TGFA: variants seen among roughly 807,000 people sequenced by gnomAD.
TGFA encodes the protein transforming growth factor alpha, also known as protransforming growth factor alpha.
Under a neutral mutation model 21.7 loss-of-function variants are expected in TGFA, and 12 were observed. The ratio of observed to expected loss-of-function variants is 0.55; its 90% confidence interval spans 0.35 to 0.90. The LOEUF (loss-of-function observed/expected upper bound fraction) is 0.90, where lower values mean the gene tolerates loss of function less well. TGFA is among the 40% of genes least tolerant of loss of function. The probability of loss-of-function intolerance (pLI) is 0.01; values close to 1 mark genes in which losing one functional copy is unlikely to be tolerated. For synonymous variants in TGFA, 79 were observed against 88.1 expected (o/e 0.90, Z 0.58); for missense variants, 178 against 210.8 (o/e 0.84, Z 0.96).
intron 1 of TGFA, chr2:70,553,365 C>A (rs1294787656): frequency 1.4e-6 from 2 of 1,463,512 alleles, no homozygotes; most frequent in African/African-American, 2.9e-5. Flanking sequence ...CCAGCGACGC[C>A]GGCTGAGCCG....
At chr2:70,543,148 C>A (rs1003426408) in intron 1 of TGFA, among the ~76,000 whole-genome samples, 4 of 151,464 alleles carry the variant, frequency 2.6e-5, no homozygotes, top group African/African-American at 4.8e-5. Context: ...GGGTTTTTTC[C>A]CTCTAAATAT....
At chr2:70,528,884 T>C (rs1553503285) in intron 1 of TGFA, among the ~76,000 whole-genome samples, 1 of 152,174 alleles carries the variant, frequency 6.6e-6, no homozygotes, top group Admixed American at 6.5e-5. Flanking sequence ...AAGCTACAGC[T>C]ACACAGAATT....
chr2:70,553,166 C>G, intron 1 of TGFA: 1 of 1,535,792 alleles, frequency 6.5e-7, no homozygotes. Context: ...TTAATCCGCC[C>G]AAAAATCCAA....
intron 1 of TGFA, among the ~76,000 whole-genome samples, chr2:70,548,692 T>C (rs893640474): frequency 5.9e-5 from 9 of 152,322 alleles, no homozygotes; most frequent in African/African-American, 1.9e-4. Flanking sequence ...TACATTAAAT[T>C]CCATCTCAAT....
intron 4 of TGFA, among the ~76,000 whole-genome samples, chr2:70,455,895 A>G (rs1468918897): frequency 1.3e-5 from 2 of 152,226 alleles, no homozygotes; most frequent in South Asian, 2.1e-4. Context: ...GCTGTGCAGA[A>G]TGATGGTCAT....
intron 1 of TGFA, among the ~76,000 whole-genome samples, chr2:70,551,435 C>T (rs1414763159): frequency 6.6e-6 from 1 of 152,138 alleles, no homozygotes; most frequent in Non-Finnish European, 1.5e-5. Context: ...AAACATTAAC[C>T]GAGACTCCTA....
chr2:70,498,246 C>T (rs1671634177), intron 2 of TGFA, among the ~76,000 whole-genome samples: 1 of 152,244 alleles, frequency 6.6e-6, no homozygotes. Flanking sequence ...ACAATACCAC[C>T]AGGGACAATG....
chr2:70,544,919 A>T (rs1673245177), intron 1 of TGFA, among the ~76,000 whole-genome samples: 1 of 152,182 alleles, frequency 6.6e-6, no homozygotes, highest in African/African-American at 2.4e-5. Context: ...GCGTACAAAA[A>T]ATAGTTAGAA....
At chr2:70,509,453 A>T (rs1178160959) in intron 2 of TGFA, among the ~76,000 whole-genome samples, 9 of 152,232 alleles carry the variant, frequency 5.9e-5, no homozygotes, top group Admixed American at 2.6e-4. Flanking sequence ...CAGGGTCACC[A>T]CTGAGATCTG....
intron 1 of TGFA, among the ~76,000 whole-genome samples, chr2:70,548,801 A>G (rs1383598636): frequency 3.3e-5 from 5 of 152,204 alleles, no homozygotes; most frequent in African/African-American, 9.7e-5. Context: ...TTACCATTTT[A>G]CCCAGTTTTT....
At chr2:70,527,335 A>C (rs1471825890) in intron 1 of TGFA, among the ~76,000 whole-genome samples, 12 of 152,382 alleles carry the variant, frequency 7.9e-5, no homozygotes, top group African/African-American at 2.9e-4. Context: ...GAAAGACGCC[A>C]GTCTGAAAAG....
intron 3 of TGFA, among the ~76,000 whole-genome samples, chr2:70,459,240 T>C (rs1553491118): frequency 6.6e-6 from 1 of 152,154 alleles, no homozygotes; most frequent in Non-Finnish European, 1.5e-5. Context: ...CCCAATACAT[T>C]TCATTTAAAT....
intron 1 of TGFA, among the ~76,000 whole-genome samples, chr2:70,529,062 T>C (rs1018006827): frequency 6.6e-6 from 1 of 152,226 alleles, no homozygotes; most frequent in Admixed American, 6.5e-5. Context: ...GCCAGCACTG[T>C]TACAACCTGA....
intron 2 of TGFA, among the ~76,000 whole-genome samples, chr2:70,504,433 AATATATATATATAT>A (rs200901290): frequency 1.1e-4 from 7 of 62,450 alleles, no homozygotes; most frequent in African/African-American, 4.0e-4. Context: ...AAACAAAACA[AATATATATATATAT>A]ATATATATAT....
At chr2:70,482,943 A>C (rs1316524393) in intron 2 of TGFA, among the ~76,000 whole-genome samples, 1 of 152,206 alleles carries the variant, frequency 6.6e-6, no homozygotes, top group Non-Finnish European at 1.5e-5. Flanking sequence ...TGACCTAGTT[A>C]AAAACGTCCT....
chr2:70,520,883 T>C (rs1672429672), intron 1 of TGFA, among the ~76,000 whole-genome samples: 1 of 152,122 alleles, frequency 6.6e-6, no homozygotes, highest in Admixed American at 6.5e-5. Flanking sequence ...ACCTCTTCCT[T>C]GGTTCTGGGC....
intron 2 of TGFA, among the ~76,000 whole-genome samples, chr2:70,474,545 CTTA>C (rs1553493838): frequency 2.0e-5 from 3 of 152,158 alleles, no homozygotes; most frequent in African/African-American, 4.8e-5. Context: ...ACATATGGAA[CTTA>C]TTATTCTCAC....
At chr2:70,480,524 G>A (rs1671081639) in intron 2 of TGFA, among the ~76,000 whole-genome samples, 1 of 152,178 alleles carries the variant, frequency 6.6e-6, no homozygotes, top group South Asian at 2.1e-4. Context: ...TAAGGGAGGA[G>A]TAAACGTGGT....
intron 1 of TGFA, 110 bp from the exon 2 acceptor site, chr2:70,515,022 G>T: frequency 1.1e-6 from 1 of 948,032 alleles, no homozygotes; most frequent in Non-Finnish European, 1.6e-6. Flanking sequence ...TAGTTTCACA[G>T]AGTGGCCGGT....
Sources: gnomAD v4.1 joint callset for allele counts (sites outside exome capture counted in the v4.1 genomes callset) on GRCh38, gnomAD v4.1.1 for gene constraint, MANE v1.5 for transcripts, NCBI Gene and HGNC (gene_info 2026-07-23, HGNC 2026-07-21) for gene names.